The following SBDS variants were observed in gnomAD, a reference collection of about 807,000 sequenced individuals.
The protein encoded by SBDS is SBDS ribosome maturation factor, also known as ribosome maturation protein SBDS.
A neutral mutation model predicts 26.4 loss-of-function variants in SBDS; 20 were observed. That is an observed-to-expected ratio of 0.76 (90% CI 0.53 to 1.10). The LOEUF (loss-of-function observed/expected upper bound fraction) is 1.10, where lower values mean the gene tolerates loss of function less well. Ranked by LOEUF, SBDS falls within the 50% of genes least tolerant of loss-of-function variation. The pLI is 0.00. For missense variants in SBDS, 241 were observed against 302.0 expected (o/e 0.80, Z 1.50); for synonymous variants, 95 against 105.1 (o/e 0.90, Z 0.59).
intron 4 of SBDS, among the ~76,000 whole-genome samples, chr7:66,988,736 C>T (rs774668497): frequency 6.6e-6 from 1 of 152,130 alleles, no homozygotes; most frequent in Non-Finnish European, 1.5e-5. Context: ...TGTTTAAACA[C>T]TTATTCTGAT....
chr7:66,994,547 T>C (rs866129307), intron 1 of SBDS, among the ~76,000 whole-genome samples: 1 of 149,834 alleles, frequency 6.7e-6, no homozygotes, highest in African/African-American at 2.5e-5. Flanking sequence ...CAGGCTGGAG[T>C]GCAATGGCGC....
At chr7:66,991,656 G>A (rs545349286) in intron 3 of SBDS, among the ~76,000 whole-genome samples, 2 of 151,492 alleles carry the variant, frequency 1.3e-5, no homozygotes, top group African/African-American at 2.4e-5. Flanking sequence ...AAAATTAGCC[G>A]GGTGTGGTAG....
intron 2 of SBDS, among the ~76,000 whole-genome samples, chr7:66,993,788 C>T (rs1307431110): frequency 7.9e-5 from 12 of 151,918 alleles, no homozygotes; most frequent in South Asian, 2.1e-4. Flanking sequence ...GCAAGAGAAT[C>T]GCTTGAATCC....
At chr7:66,995,234 G>T (rs568696356) in intron 1 of SBDS, 56 bp downstream of exon 1, 3 of 1,611,252 alleles carry the variant, frequency 1.9e-6, no homozygotes, top group East Asian at 4.5e-5. Flanking sequence ...GAGACAGGCC[G>T]CCTCGGAGGT....
intron 3 of SBDS, among the ~76,000 whole-genome samples, chr7:66,992,051 A>T (rs369511080): frequency 1.3e-5 from 2 of 152,370 alleles, no homozygotes; most frequent in South Asian, 4.1e-4. Context: ...ACAGAAACAT[A>T]CAAGAAATTT....
In SBDS at chr7:66,995,563, T is replaced by G; in HGVS notation, c.-146A>C. On this transcript the variant is annotated 5_prime_UTR_variant, in exon 1 of 5. Coordinates refer to ENST00000246868, the MANE Select transcript of SBDS (RefSeq NM_016038.4). Reference sequence around the variant, plus strand: ...TGCGCGGCGCCGCGACTCACTAGCTTCAGGCAGCCGTCACAGTGTGTCTGG... The same window carrying G: ...TGCGCGGCGCCGCGACTCACTAGCTGCAGGCAGCCGTCACAGTGTGTCTGG... 1 of 1,178,682 alleles carries G rather than the reference T, an allele frequency of 8.5e-7. No individual in the cohort carries two copies. Among genetic ancestry groups the G allele is most frequent in the Non-Finnish European group, 1.2e-6 (1 of 819,280 alleles). 73.0% of individuals were successfully genotyped at this position (1,178,682 alleles called of 1,614,324 possible). A position where few individuals can be genotyped will look rare whatever the true frequency, so the allele number is the denominator to read the frequency against.
chr7:66,995,126 C>G (rs1428950224), intron 1 of SBDS, 164 bp downstream of exon 1: 7 of 945,064 alleles, frequency 7.4e-6, no homozygotes, highest in Non-Finnish European at 1.1e-5. Context: ...TTGGCTTAGG[C>G]GCCAAGCTCG....
chr7:66,995,199 C>G, intron 1 of SBDS, 91 bp downstream of exon 1: 2 of 1,561,846 alleles, frequency 1.3e-6, no homozygotes, highest in Non-Finnish European at 1.8e-6. Context: ...ACACCCCAGC[C>G]TGGCCCATTC....
At position 66,993,248 on chromosome 7, in the gene SBDS, G is replaced by A. The variant is rs1376011266; in HGVS notation, c.428C>T (p.Ser143Leu). 8.7e-6 allele frequency: 14 copies of A among 1,613,946 alleles called. No individual in the cohort carries two copies. Among genetic ancestry groups the A allele is most frequent in the Admixed American group, 1.7e-5 (1 of 59,992 alleles). ...IERAMKDIHY[S>L]VKTNKSTKQQ... ...TTTTGTACTCTTGTTGGTTTTCACCGAATAGTGGATGTCCTTCATGGCTCT... is the reference window on the plus strand; with the variant it reads ...TTTTGTACTCTTGTTGGTTTTCACCAAATAGTGGATGTCCTTCATGGCTCT... Residue 143 changes from serine to leucine, a missense_variant, in exon 3 of 5, where the codon TCG becomes TTG. Transcript: ENST00000246868.
At position 66,990,539 on chromosome 7, in the gene SBDS, T is replaced by G. The variant is rs113726253; in HGVS notation, c.624+598A>C. ...CTTTGTACTAATTTTTGCAAAATTTTTAAGGTAATTGGAATTATCAATCTT... is the reference window on the plus strand; with the variant it reads ...CTTTGTACTAATTTTTGCAAAATTTGTAAGGTAATTGGAATTATCAATCTT... On this transcript the variant is annotated intron_variant, in intron 4 of 4. Coordinates refer to ENST00000246868, the MANE Select transcript of SBDS (RefSeq NM_016038.4). Among the ~76,000 whole-genome samples, 235 of 152,332 alleles carry G rather than the reference T, an allele frequency of 1.5e-3. 1 individual carries two copies. Among genetic ancestry groups the G allele is most frequent in the African/African-American group, 5.4e-3 (225 of 41,576 alleles).
intron 4 of SBDS, among the ~76,000 whole-genome samples, chr7:66,990,644 CATAATAT>C (rs767291705): frequency 1.3e-5 from 2 of 152,062 alleles, no homozygotes; most frequent in Non-Finnish European, 2.9e-5. Flanking sequence ...AAACACTACG[CATAATAT>C]ATGACAAAAA....
chr7:66,994,565 G>T (rs1308254214), intron 1 of SBDS, among the ~76,000 whole-genome samples: 1 of 151,438 alleles, frequency 6.6e-6, no homozygotes, highest in Non-Finnish European at 1.5e-5. Flanking sequence ...CGCGATCTCG[G>T]GTCACTGTAA....
At position 66,993,392 on chromosome 7, in the gene SBDS, A is replaced by T; in HGVS notation, c.284T>A (p.Val95Glu). The change falls in exon 3 of 5, where the codon GTA becomes GAA. Residue 95 changes from valine to glutamate, a missense_variant. Val to Glu is a moderately radical substitution (Grantham distance 121, BLOSUM62 -2). Transcript: ENST00000246868. ...KQILTKGEVQ[V>E]SDKERHTQLE... ...TTGTGTGTGTCTTTCTTTATCTGAT[A>T]CTTGAACTTCTCCTTTAGTCAAAAT... The T allele has an allele frequency of 1.2e-6, 2 of 1,614,076 alleles. No homozygotes were observed. Among genetic ancestry groups the T allele is most frequent in the Non-Finnish European group, 1.7e-6 (2 of 1,179,982 alleles).
chr7:66,988,655 A>G (rs1792916532), intron 4 of SBDS, among the ~76,000 whole-genome samples, 156 bp from the exon 5 acceptor site: 1 of 152,160 alleles, frequency 6.6e-6, no homozygotes, highest in African/African-American at 2.4e-5. Context: ...GTAGGGCGGC[A>G]CACTGGGTTC....
At chr7:66,993,889 A>G (rs896132027) in intron 2 of SBDS, among the ~76,000 whole-genome samples, 1 of 152,042 alleles carries the variant, frequency 6.6e-6, no homozygotes, top group African/African-American at 2.4e-5. Flanking sequence ...CCCACCCAAA[A>G]AAAAAAGGAT....
chr7:66,993,705 C>G (rs960601445), intron 2 of SBDS, among the ~76,000 whole-genome samples: 1 of 152,074 alleles, frequency 6.6e-6, no homozygotes, highest in Non-Finnish European at 1.5e-5. Flanking sequence ...GAAACCCCAT[C>G]TCTACTAAAA....
chr7:66,994,841 G>A (rs1793063215), intron 1 of SBDS, among the ~76,000 whole-genome samples: 1 of 150,344 alleles, frequency 6.7e-6, no homozygotes, highest in South Asian at 2.1e-4. Flanking sequence ...CACAAGGGTG[G>A]GGTGGGGTGC....
chr7:66,991,632 A>G (rs1475999742), intron 3 of SBDS, among the ~76,000 whole-genome samples: 1 of 151,958 alleles, frequency 6.6e-6, no homozygotes, highest in African/African-American at 2.4e-5. Flanking sequence ...CTCCACTAAA[A>G]ATACAAAAAA....
chr7:66,993,471 A>G, intron 2 of SBDS, 54 bp from the exon 3 acceptor site: 3 of 1,366,542 alleles, frequency 2.2e-6, no homozygotes, highest in Non-Finnish European at 3.1e-6. Flanking sequence ...ATCACACACT[A>G]TTTATTAACT....
Sources: gnomAD v4.1 joint callset for allele counts (sites outside exome capture counted in the v4.1 genomes callset) on GRCh38, gnomAD v4.1.1 for gene constraint, MANE v1.5 for transcripts, NCBI Gene and HGNC (gene_info 2026-07-23, HGNC 2026-07-21) for gene names.